Variants in CPQ observed in about 807,000 individuals in gnomAD.
CPQ encodes the protein carboxypeptidase Q, also known as Ser-Met dipeptidase.
Under a neutral mutation model 45.7 loss-of-function variants are expected in CPQ, and 37 were observed. The observed-to-expected ratio is 0.81, with a 90% CI of 0.62 to 1.07. The LOEUF is 1.07. Among genes scored for constraint, CPQ ranks in the 50% least tolerant of loss-of-function variants. CPQ has a pLI of 0.00. For missense variants in CPQ, 537 were observed against 572.9 expected (o/e 0.94, Z 0.64); for synonymous variants, 186 against 205.8 (o/e 0.90, Z 0.82).
chr8:96,997,397 A>T (rs1809196295), intron 5 of CPQ, among the ~76,000 whole-genome samples: 1 of 152,004 alleles, frequency 6.6e-6, no homozygotes, highest in South Asian at 2.1e-4. Flanking sequence ...TGTGTAACAT[A>T]GCCTATTCAT....
rs557769441 is a variant in CPQ, at chr8:96,960,856, T to G, written c.850-5079T>G. Among the ~76,000 whole-genome samples, 23 of 152,306 alleles carry G rather than the reference T, an allele frequency of 1.5e-4. 1 individual carries two copies. The South Asian group carries it at 4.8e-3, about 32-fold the overall frequency. On this transcript the variant is annotated intron_variant, in intron 4 of 7. Coordinates refer to ENST00000220763, the MANE Select transcript of CPQ (RefSeq NM_016134.4). ...TTGTTGCCTATTTTTGTTTTGAGAT[T>G]CATTTATATTTAATAATGCATCACT...
chr8:97,069,302 G>A (rs1158798495), intron 7 of CPQ, among the ~76,000 whole-genome samples: 2 of 151,868 alleles, frequency 1.3e-5, no homozygotes, highest in South Asian at 2.1e-4. Flanking sequence ...AGAAACAATG[G>A]TACTGGTTAT....
chr8:97,041,000 G>T (rs1167324940), intron 6 of CPQ, among the ~76,000 whole-genome samples: 1 of 152,020 alleles, frequency 6.6e-6, no homozygotes, highest in Non-Finnish European at 1.5e-5. Context: ...CTTTAAAGTA[G>T]TTTTTTCCAA....
At position 96,862,073 on chromosome 8, in the gene CPQ, A is replaced by T. The variant is rs542540380; in HGVS notation, c.642-17725A>T. On this transcript the variant is annotated intron_variant, in intron 3 of 7. Coordinates refer to ENST00000220763, the MANE Select transcript of CPQ (RefSeq NM_016134.4). ...GGTAGTGGCATAAGCAAAGCCATGA[A>T]GGAGGACAGCTTGTTTGATGACTAG... is the stretch of plus-strand genomic sequence containing the variant. 1.1e-4 allele frequency among the ~76,000 whole-genome samples: 16 copies of T among 152,190 alleles called. No individual in the cohort carries two copies. The East Asian group carries it at 3.1e-3, about 29-fold the overall frequency.
intron 5 of CPQ, among the ~76,000 whole-genome samples, chr8:96,992,988 G>A (rs990521932): frequency 3.9e-5 from 6 of 152,152 alleles, no homozygotes; most frequent in African/African-American, 1.4e-4. Flanking sequence ...ATTGAATGTT[G>A]CCTGTGGGGT....
intron 6 of CPQ, among the ~76,000 whole-genome samples, chr8:97,043,820 CT>C (rs1243754629): frequency 6.6e-6 from 1 of 152,212 alleles, no homozygotes; most frequent in Non-Finnish European, 1.5e-5. Flanking sequence ...CCCCCACTCT[CT>C]TCTGGCTTGT....
intron 1 of CPQ, among the ~76,000 whole-genome samples, chr8:96,781,686 A>G (rs556563344): frequency 6.6e-6 from 1 of 152,318 alleles, no homozygotes; most frequent in East Asian, 1.9e-4. Flanking sequence ...CACCAACTCA[A>G]AAGTCCGAAG....
chr8:96,874,947 A>G (rs1812125589), intron 3 of CPQ, among the ~76,000 whole-genome samples: 2 of 151,864 alleles, frequency 1.3e-5, no homozygotes, highest in Non-Finnish European at 3.0e-5. Context: ...GCCATTTCAC[A>G]TGCAATGTAC....
intron 1 of CPQ, among the ~76,000 whole-genome samples, chr8:96,694,398 C>T (rs1171166751): frequency 6.6e-6 from 1 of 151,346 alleles, no homozygotes; most frequent in East Asian, 1.9e-4. Flanking sequence ...AAATATCAGA[C>T]TTAATCTGCA....
rs140123092 is a variant in CPQ, at chr8:96,957,810, A to C, written c.850-8125A>C. ...TGAAACTGTGTCTCAAAAAAACAAA[A>C]AAAAAAAAGTCTGTAGGGTACCAAA... On this transcript the variant is annotated intron_variant, in intron 4 of 7. Transcript: ENST00000220763. Among the ~76,000 whole-genome samples, 795 of 151,984 alleles carry C rather than the reference A, an allele frequency of 5.2e-3. 4 individuals are homozygous for C. Among genetic ancestry groups the C allele is most frequent in the Middle Eastern group, 0.01 (3 of 294 alleles).
chr8:96,833,177 T>G (rs1811482271), intron 2 of CPQ, among the ~76,000 whole-genome samples: 1 of 152,170 alleles, frequency 6.6e-6, no homozygotes, highest in South Asian at 2.1e-4. Context: ...TAATTTAAAC[T>G]CTTCTTCCAA....
At chr8:96,810,140 C>T (rs1485831971) in intron 2 of CPQ, among the ~76,000 whole-genome samples, 1 of 152,208 alleles carries the variant, frequency 6.6e-6, no homozygotes, top group Non-Finnish European at 1.5e-5. Context: ...CAAGAGCCTT[C>T]CCCTGGTTTC....
chr8:96,712,179 T>C (rs1378797950), intron 1 of CPQ, among the ~76,000 whole-genome samples: 4 of 152,198 alleles, frequency 2.6e-5, no homozygotes, highest in Non-Finnish European at 2.9e-5. Context: ...TGGACATCCA[T>C]GGTCTTGGGC....
At chr8:96,767,766 C>T (rs976398881) in intron 1 of CPQ, among the ~76,000 whole-genome samples, 4 of 150,166 alleles carry the variant, frequency 2.7e-5, no homozygotes, top group Non-Finnish European at 5.9e-5. Context: ...GCCTCAGCTT[C>T]CCAAGTAGCT....
At chr8:96,887,348 G>A (rs1259593860) in intron 4 of CPQ, among the ~76,000 whole-genome samples, 2 of 152,142 alleles carry the variant, frequency 1.3e-5, no homozygotes, top group Admixed American at 6.5e-5. Flanking sequence ...AACCTGTTGA[G>A]GACACTGGTG....
At chr8:96,932,871 T>C (rs896514193) in intron 4 of CPQ, among the ~76,000 whole-genome samples, 10 of 152,212 alleles carry the variant, frequency 6.6e-5, no homozygotes, top group African/African-American at 1.4e-4. Context: ...AATGTCTGCA[T>C]GAGTGAGTAG....
intron 4 of CPQ, among the ~76,000 whole-genome samples, 163 bp downstream of exon 4, chr8:96,880,168 A>G (rs888501102): frequency 1.2e-4 from 18 of 152,190 alleles, no homozygotes; most frequent in African/African-American, 4.3e-4. Context: ...AAATTTTACC[A>G]TGTTTACCAT....
At chr8:96,706,927 G>C (rs1809537216) in intron 1 of CPQ, among the ~76,000 whole-genome samples, 1 of 152,064 alleles carries the variant, frequency 6.6e-6, no homozygotes, top group South Asian at 2.1e-4. Context: ...AAAGCCTGTA[G>C]GTCAGTGTAA....
intron 4 of CPQ, among the ~76,000 whole-genome samples, chr8:96,898,499 T>C (rs1812471586): frequency 6.6e-6 from 1 of 151,898 alleles, no homozygotes; most frequent in East Asian, 1.9e-4. Context: ...AATTATGAAT[T>C]AGCAAAAGAT....
Sources: allele counts gnomAD v4.1 joint callset (sites outside exome capture counted in the v4.1 genomes callset), GRCh38; gene constraint gnomAD v4.1.1; transcripts MANE v1.5; gene names NCBI Gene and HGNC (gene_info 2026-07-23, HGNC 2026-07-21).